The following NSUN5 variants were observed in gnomAD, a reference collection of about 807,000 sequenced individuals.
NSUN5 encodes NOP2/Sun RNA methyltransferase 5.
A neutral mutation model predicts 51.1 loss-of-function variants in NSUN5; 39 were observed. The ratio of observed to expected loss-of-function variants is 0.76; its 90% CI spans 0.59 to 1.00. The LOEUF (loss-of-function observed/expected upper bound fraction) is 1.00, where lower values mean the gene tolerates loss of function less well. Ranked by LOEUF, NSUN5 falls within the 50% of genes least tolerant of loss-of-function variation. The pLI, the probability that NSUN5 is intolerant of heterozygous loss-of-function variation, is 0.00. For missense variants in NSUN5, 526 were observed against 614.0 expected (o/e 0.86, Z 1.51); for synonymous variants, 266 against 271.5 (o/e 0.98, Z 0.20).
intron 1 of NSUN5, 42 bp from the exon 2 acceptor site, chr7:73,308,595 G>T (rs1554542330): frequency 6.3e-7 from 1 of 1,587,590 alleles, no homozygotes; most frequent in Admixed American, 1.7e-5. Context: ...GGCTCCCCCG[G>T]CCCTCCTCGC....
chr7:73,305,558 G>A (rs1359476084), intron 4 of NSUN5, among the ~76,000 whole-genome samples: 1 of 148,488 alleles, frequency 6.7e-6, no homozygotes, highest in Non-Finnish European at 1.5e-5. Flanking sequence ...TCCACCTCCC[G>A]GGTTCACGCC....
Position 73,303,539 on chromosome 7 carries a change from T to C in NSUN5, c.1287-10A>G, listed in dbSNP as rs1355359607. The C allele has an allele frequency of 1.2e-6, 2 of 1,613,882 alleles. No individual in the cohort carries two copies. Among genetic ancestry groups the C allele is most frequent in the African/African-American group, 2.7e-5 (2 of 74,846 alleles). On this transcript the variant is annotated splice_polypyrimidine_tract_variant and intron_variant, in intron 9 of 9. Transcript: ENST00000438747. ...GGCCTGTGAGGCTGAGCTAGAGAAGTGTAGATGTTAGATGTGCCGGTGCCA... is the reference window on the plus strand; with the variant it reads ...GGCCTGTGAGGCTGAGCTAGAGAAGCGTAGATGTTAGATGTGCCGGTGCCA...
Position 73,303,740 on chromosome 7 carries a change from C to A in NSUN5, c.1146G>T (p.Arg382Ser), listed in dbSNP as rs537004606. The A allele has an allele frequency of 5.0e-6, 8 of 1,614,052 alleles. No homozygotes were observed. In the African/African-American group the frequency reaches 8.0e-5, roughly 16 times the overall value. ...DALQQNPGAF[R>S]LAPALPAWPH... ...GCCAGGCAGGCAGGGCGGGAGCTAG[C>A]CTGCAAGAGAAACGGCCCCAATGCT... Residue 382 changes from arginine to serine, a missense_variant and splice_region_variant, in exon 9 of 10, where the codon AGG (arginine) becomes AGT (serine). By Grantham distance (110) the Arg-to-Ser change is moderately radical. Coordinates refer to ENST00000438747, the MANE Select transcript of NSUN5 (RefSeq NM_148956.4).
Position 73,308,519 on chromosome 7 carries a change from G to A in NSUN5, c.128C>T (p.Thr43Met), listed in dbSNP as rs200274985. The change falls in exon 2 of 10, where the codon ACG becomes ATG. Residue 43 changes from threonine (T) to methionine (M), a missense_variant. Transcript: ENST00000438747. ...ATCCAGCACGGCGGAGTAGCGCTGC[G>A]TTTCGCACACCAGCGCGTACAGCTG... ...VKQLYALVCE[T>M]QRYSAVLDAV... 291 of 1,603,554 alleles carry A rather than the reference G, an allele frequency of 1.8e-4. No individual in the cohort carries two copies. The highest frequency in any genetic ancestry group is 5.5e-4 in the South Asian group (50 of 90,812).
intron 2 of NSUN5, 82 bp downstream of exon 2, chr7:73,308,349 C>T (rs1468352888): frequency 6.7e-7 from 1 of 1,492,128 alleles, no homozygotes; most frequent in Non-Finnish European, 9.0e-7. Flanking sequence ...TCCAGTCCCG[C>T]CGTGCACGGC....
rs576531176 is a variant in NSUN5 at position 73,303,298 on chromosome 7, G to A, written c.*117C>T. 3 of 1,613,618 alleles carry A rather than the reference G, an allele frequency of 1.9e-6. No individual in the cohort carries two copies. The East Asian group carries it at 6.7e-5, about 36-fold the overall frequency. On this transcript the variant is annotated 3_prime_UTR_variant, in exon 10 of 10. Coordinates refer to ENST00000438747, the MANE Select transcript of NSUN5 (RefSeq NM_148956.4). ...ACCAGCAAGAACACAGCCCAAGGAA[G>A]GGACCCAATAACCTTTCAAAACCCA... is the stretch of plus-strand genomic sequence containing the variant.
intron 2 of NSUN5, 81 bp downstream of exon 2, chr7:73,308,350 C>A: frequency 1.3e-6 from 2 of 1,492,512 alleles, no homozygotes; most frequent in South Asian, 2.6e-5. Flanking sequence ...CCAGTCCCGC[C>A]GTGCACGGCA....
At position 73,303,217 on chromosome 7, in the gene NSUN5, T is replaced by G; in HGVS notation, c.*198A>C. 6.6e-7 allele frequency: 1 copy of G among 1,512,732 alleles called. No homozygotes were observed. The highest frequency in any genetic ancestry group is 8.8e-7 in the Non-Finnish European group (1 of 1,131,862). 93.7% of individuals were successfully genotyped at this position (1,512,732 alleles called of 1,614,324 possible). A position where few individuals can be genotyped will look rare whatever the true frequency, so the allele number is the denominator to read the frequency against. ...GCTTGTGACATTAAGAATAAAAAACTGTGATCTATCGTAGAGTACGTTCTG... is the reference window on the plus strand; with the variant it reads ...GCTTGTGACATTAAGAATAAAAAACGGTGATCTATCGTAGAGTACGTTCTG... On this transcript the variant is annotated 3_prime_UTR_variant, in exon 10 of 10. Transcript: ENST00000438747.
At position 73,304,423 on chromosome 7, in the gene NSUN5, G is replaced by C. The variant is rs1554541488; in HGVS notation, c.756-15C>G. On this transcript the variant is annotated splice_polypyrimidine_tract_variant and intron_variant, in intron 6 of 9. Coordinates refer to ENST00000438747, the MANE Select transcript of NSUN5 (RefSeq NM_148956.4). ...CAAAGATCTTCCTAGGGCAAAGCAG[G>C]GGTGAGCTGAGCACGCATGGAGCAG... 6.2e-7 allele frequency: 1 copy of C among 1,603,692 alleles called. No individual in the cohort carries two copies. Among genetic ancestry groups the C allele is most frequent in the Non-Finnish European group, 8.5e-7 (1 of 1,174,960 alleles).
intron 4 of NSUN5, among the ~76,000 whole-genome samples, chr7:73,306,651 G>A (rs186324763): frequency 1.1e-4 from 16 of 152,228 alleles, no homozygotes; most frequent in Non-Finnish European, 1.5e-4. Context: ...AGACCAAGGC[G>A]GGCAGATCAC....
intron 2 of NSUN5, 75 bp from the exon 3 acceptor site, chr7:73,307,832 A>C: frequency 1.1e-5 from 14 of 1,304,372 alleles, no homozygotes; most frequent in Non-Finnish European, 1.5e-5. Flanking sequence ...ACTAACTCTA[A>C]TGGAGCCCCG....
At chr7:73,307,182 G>GA (rs1487795906) in intron 4 of NSUN5, among the ~76,000 whole-genome samples, 4 of 152,248 alleles carry the variant, frequency 2.6e-5, no homozygotes, top group East Asian at 1.9e-4. Flanking sequence ...TAAAGCTAGA[G>GA]AAAAAACGGA....
At chr7:73,307,856 T>A in intron 2 of NSUN5, 99 bp from the exon 3 acceptor site, 1 of 1,053,396 alleles carries the variant, frequency 9.5e-7, no homozygotes, top group Non-Finnish European at 1.4e-6. Flanking sequence ...ATGGAATGGC[T>A]AAACAGATCA....
In NSUN5 at chr7:73,304,359, T is replaced by C. The variant is rs1268529819; in HGVS notation, c.805A>G (p.Thr269Ala). 4 of 1,613,722 alleles carry C rather than the reference T, an allele frequency of 2.5e-6. No homozygotes were observed. The Admixed American group carries it at 6.7e-5, about 27-fold the overall frequency. ...LDAKRLASMA[T>A]LLARAGVSCC... ...GAGACGCCAGCCCGGGCCAGCAGCG[T>C]GGCCATGGATGCCAGCCGCTTGGCA... The change falls in exon 7 of 10, where the codon ACG becomes GCG. Residue 269 changes from threonine (T) to alanine (A), a missense_variant. Coordinates refer to ENST00000438747, the MANE Select transcript of NSUN5 (RefSeq NM_148956.4).
At position 73,304,289 on chromosome 7, in the gene NSUN5, G is replaced by A. The variant is rs781919881; in HGVS notation, c.875C>T (p.Ser292Leu). The stretch of plus-strand genomic sequence containing the variant: ...GTGGACCTCATGGTAGCGTGGATCC[G>A]AGGGGGAGACCGCCAGGAAGTCCTC... Reference protein sequence around the residue: ...AEEDFLAVSPSDPRYHEVHYI... With the variant: ...AEEDFLAVSPLDPRYHEVHYI... Residue 292 changes from serine to leucine, a missense_variant, in exon 7 of 10, where the codon TCG becomes TTG. Physicochemically the swap from Ser to Leu is moderately radical, Grantham distance 145 (BLOSUM62 -2). Coordinates refer to ENST00000438747, the MANE Select transcript of NSUN5 (RefSeq NM_148956.4). 9.9e-6 allele frequency: 16 copies of A among 1,614,156 alleles called. No homozygotes were observed. The highest frequency in any genetic ancestry group is 1.7e-5 in the Admixed American group (1 of 60,012).
chr7:73,307,830 T>C, intron 2 of NSUN5, 73 bp from the exon 3 acceptor site: 1 of 1,333,962 alleles, frequency 7.5e-7, no homozygotes, highest in Non-Finnish European at 1.0e-6. Flanking sequence ...GAACTAACTC[T>C]AATGGAGCCC....
chr7:73,307,911 A>T (rs1804112462), intron 2 of NSUN5, 154 bp from the exon 3 acceptor site: 2 of 706,272 alleles, frequency 2.8e-6, no homozygotes, highest in Admixed American at 6.1e-5. Context: ...ATCACACCAG[A>T]AATTAACTAC....
Position 73,308,758 on chromosome 7 carries a change from C to G in NSUN5, c.33G>C (p.Leu11Phe). 1 of 1,613,038 alleles carries G rather than the reference C, an allele frequency of 6.2e-7. No homozygotes were observed. The highest frequency in any genetic ancestry group is 8.5e-7 in the Non-Finnish European group (1 of 1,179,852). MGLYAAAAGV[L>F]AGVESRQGSI... ...AGCCCTGGCGGCTCTCCACGCCGGC[C>G]AACACGCCTGCAGCTGCAGCATACA... The change falls in exon 1 of 10, where the codon TTG becomes TTC. Residue 11 changes from leucine to phenylalanine, a missense_variant. Transcript: ENST00000438747.
chr7:73,307,251 G>T, intron 4 of NSUN5, 143 bp downstream of exon 4: 1 of 628,224 alleles, frequency 1.6e-6, no homozygotes, highest in Non-Finnish European at 2.8e-6. Context: ...GGGATGGCAG[G>T]AAGACAAACC....
Sources: gnomAD v4.1 joint callset for allele counts (sites outside exome capture counted in the v4.1 genomes callset) on GRCh38, gnomAD v4.1.1 for gene constraint, MANE v1.5 for transcripts, NCBI Gene and HGNC (gene_info 2026-07-23, HGNC 2026-07-21) for gene names.